The following ADGRA2 variants were observed in gnomAD, a reference collection of about 807,000 sequenced individuals.
ADGRA2 encodes adhesion G protein-coupled receptor A2, also known as G-protein coupled receptor 124.
In ADGRA2, 61 loss-of-function variants were observed where a neutral mutation model predicts 98.7. That is an observed-to-expected ratio of 0.62 (90% CI 0.50 to 0.76). The LOEUF (loss-of-function observed/expected upper bound fraction) is 0.76, where lower values mean the gene tolerates loss of function less well. Among genes scored for constraint, ADGRA2 ranks in the 30% least tolerant of loss-of-function variants. The probability of loss-of-function intolerance (pLI) is 0.00; values close to 1 mark genes in which losing one functional copy is unlikely to be tolerated. For missense variants in ADGRA2, 1,712 were observed against 1,860.0 expected (o/e 0.92, Z 1.46); for synonymous variants, 858 against 831.5 (o/e 1.03, Z -0.55).
chr8:37,840,613 C>T, intron 17 of ADGRA2, 147 bp from the exon 18 acceptor site: 1 of 656,996 alleles, frequency 1.5e-6, no homozygotes, highest in South Asian at 1.8e-5. Context: ...GTAGTCCCTG[C>T]AGGGACCTTG....
rs765944866 is a variant in ADGRA2, at chr8:37,833,024, T to C, written c.1112T>C (p.Leu371Pro). 1 of 1,612,904 alleles carries C rather than the reference T, an allele frequency of 6.2e-7. No homozygotes were observed. The highest frequency in any genetic ancestry group is 8.5e-7 in the Non-Finnish European group (1 of 1,179,728). The change falls in exon 9 of 19, where the codon CTG (leucine) becomes CCG (proline). Residue 371 changes from leucine (L) to proline (P), a missense_variant. Leu to Pro is a moderately conservative substitution (Grantham distance 98). Coordinates refer to ENST00000412232, the MANE Select transcript of ADGRA2 (RefSeq NM_032777.10). Reference protein sequence around the residue: ...NRGDFRWPRTLAGITAYQSCL... With the variant: ...NRGDFRWPRTPAGITAYQSCL... ...TCTCCCCCCAGGTGGCCCCGAACTC[T>C]GGCTGGCATCACAGCCTACCAGTCC... is the stretch of plus-strand genomic sequence containing the variant.
intron 13 of ADGRA2, among the ~76,000 whole-genome samples, chr8:37,836,493 C>G (rs1294390679): frequency 1.3e-5 from 2 of 152,174 alleles, no homozygotes; most frequent in African/African-American, 2.4e-5. Context: ...ACCTGGGGGC[C>G]TGGCACCCAG....
Position 37,835,548 on chromosome 8 carries a change from C to A in ADGRA2, c.1834-6C>A, listed in dbSNP as rs1264888207. 5.0e-6 allele frequency: 8 copies of A among 1,598,512 alleles called. No individual in the cohort carries two copies. The highest frequency in any genetic ancestry group is 6.0e-6 in the Non-Finnish European group (7 of 1,165,950). On this transcript the variant is annotated splice_polypyrimidine_tract_variant and splice_region_variant and intron_variant, in intron 12 of 18. Coordinates refer to ENST00000412232, the MANE Select transcript of ADGRA2 (RefSeq NM_032777.10). ...GTGTCTCTGAGGAGCTCCTATGTCCCCCCAGAACAGCGTGGCCCTGGCCTC... is the reference window on the plus strand; with the variant it reads ...GTGTCTCTGAGGAGCTCCTATGTCCACCCAGAACAGCGTGGCCCTGGCCTC...
Position 37,836,856 on chromosome 8 carries a change from ATCCTGTTCCTAGCACAGAC to A in ADGRA2, c.2051-872_2051-854del, listed in dbSNP as rs371233533. ...GCACTGCCACCCCACCGTGGGTTCCATCCTGTTCCTAGCACAGACTCTTGCTGTCAGGTCTTGCATTCTG... is the reference window on the plus strand; with the variant it reads ...GCACTGCCACCCCACCGTGGGTTCCATCTTGCTGTCAGGTCTTGCATTCTG... On this transcript the variant is annotated intron_variant, in intron 13 of 18. Transcript: ENST00000412232. 9.9e-3 allele frequency among the ~76,000 whole-genome samples: 1,500 copies of A among 152,232 alleles called. 14 individuals are homozygous for A. The highest frequency in any genetic ancestry group is 0.034 in the African/African-American group (1,395 of 41,530).
rs922576443 is a variant in ADGRA2, at chr8:37,802,016, C to T, written c.266+4482C>T. ...CATTCAGGGAAGCGGGGGTGCCCAC[C>T]ACGCAGGCTGCCCACCTAGGGGAGA... On this transcript the variant is annotated intron_variant, in intron 1 of 18. Coordinates refer to ENST00000412232, the MANE Select transcript of ADGRA2 (RefSeq NM_032777.10). The surrounding 1 kb of genome is among the most constrained non-coding windows in gnomAD (Gnocchi z 4.7). 2.0e-5 allele frequency among the ~76,000 whole-genome samples: 3 copies of T among 152,244 alleles called. No individual in the cohort carries two copies. The highest frequency in any genetic ancestry group is 4.4e-5 in the Non-Finnish European group (3 of 68,048).
intron 2 of ADGRA2, among the ~76,000 whole-genome samples, chr8:37,823,924 AAG>A (rs1439755839): frequency 6.6e-6 from 1 of 152,084 alleles, no homozygotes; most frequent in Non-Finnish European, 1.5e-5. Context: ...ATTGAGTTGT[AAG>A]AGTCCTGTAT....
rs1470823620 is a variant in ADGRA2 at position 37,797,088 on chromosome 8, C to T, written c.-181C>T. 1.8e-5 allele frequency: 5 copies of T among 275,218 alleles called. No individual in the cohort carries two copies. In the East Asian group the frequency reaches 4.5e-4, roughly 25 times the overall value. 17.0% of individuals were successfully genotyped at this position (275,218 alleles called of 1,614,324 possible). On this transcript the variant is annotated 5_prime_UTR_variant, in exon 1 of 19. Coordinates refer to ENST00000412232, the MANE Select transcript of ADGRA2 (RefSeq NM_032777.10). The surrounding 1 kb of genome is among the most constrained non-coding windows in gnomAD (Gnocchi z 5.3). The stretch of plus-strand genomic sequence containing the variant: ...CCGACGTCCTCCCCGCCGGGGCGCT[C>T]GCAGGACATGCCCCCGGGGCGCGGC...
At chr8:37,829,591 AC>A in intron 5 of ADGRA2, 32 bp downstream of exon 5, 1 of 1,481,802 alleles carries the variant, frequency 6.7e-7, no homozygotes, top group African/African-American at 1.4e-5. Context: ...AAGGACCCAG[AC>A]CCCTGTCCCT....
rs1489627475 is a variant in ADGRA2 at position 37,834,425 on chromosome 8, CA to C, written c.1608+298del. Among the ~76,000 whole-genome samples the C allele has an allele frequency of 6.6e-6, 1 of 152,174 alleles. No homozygotes were observed. Among genetic ancestry groups the C allele is most frequent in the African/African-American group, 2.4e-5 (1 of 41,430 alleles). The stretch of plus-strand genomic sequence containing the variant: ...ATGGGAGGAAGGCTTGGTGGCAGGG[CA>C]GACAGCACTCGGGATTGAGTGAAGA... On this transcript the variant is annotated intron_variant, in intron 11 of 18. Transcript: ENST00000412232. The surrounding 1 kb of genome is among the most constrained non-coding windows in gnomAD (Gnocchi z 4.2).
chr8:37,804,128 C>CACACAT (rs1554522468), intron 1 of ADGRA2, among the ~76,000 whole-genome samples: 65 of 149,264 alleles, frequency 4.4e-4, no homozygotes, highest in Admixed American at 2.4e-3. Flanking sequence ...CACACACACA[C>CACACAT]ACACACACAC....
chr8:37,830,146 C>T lies in ADGRA2; in HGVS notation c.718+132C>T. 1.8e-6 allele frequency: 1 copy of T among 566,014 alleles called. No individual in the cohort carries two copies. Among genetic ancestry groups the T allele is most frequent in the Non-Finnish European group, 3.1e-6 (1 of 325,312 alleles). 35.1% of individuals were successfully genotyped at this position (566,014 alleles called of 1,614,324 possible). A position where few individuals can be genotyped will look rare whatever the true frequency, so the allele number is the denominator to read the frequency against. On this transcript the variant is annotated intron_variant, in intron 6 of 18. Transcript: ENST00000412232. The surrounding 1 kb of genome is among the most constrained non-coding windows in gnomAD (Gnocchi z 4.8). ...TTGCAATTTGCAAAAGACCACGACA[C>T]TGAGTCCTGCTCTTGCATTTAGGGA...
In ADGRA2 at chr8:37,842,014, C is replaced by T. The variant is rs1330936686; in HGVS notation, c.3676C>T (p.Pro1226Ser). The change falls in exon 19 of 19, where the codon CCC (proline) becomes TCC (serine). Residue 1226 changes from proline (P) to serine (S), a missense_variant. Transcript: ENST00000412232. ...SSESGSLHNS[P>S]TDSYLGSSRN... is the part of the protein sequence containing the mutation. ...CGAGAGCGGCAGTCTGCACAACAGCCCCACCGACAGCTACCTGGGCAGCAG... is the reference window on the plus strand; with the variant it reads ...CGAGAGCGGCAGTCTGCACAACAGCTCCACCGACAGCTACCTGGGCAGCAG... The T allele has an allele frequency of 6.6e-7, 1 of 1,519,684 alleles. No homozygotes were observed. The highest frequency in any genetic ancestry group is 1.2e-5 in the South Asian group (1 of 82,256). The allele number at this position is 1,519,684 out of a possible 1,614,324, so 94.1% of individuals were successfully genotyped here.
intron 15 of ADGRA2, 168 bp downstream of exon 15, chr8:37,839,251 AC>A: frequency 1.8e-6 from 1 of 551,924 alleles, no homozygotes; most frequent in Non-Finnish European, 2.3e-6. Context: ...TGCAGGGTGG[AC>A]TCACTGAGGA....
At position 37,844,305 on chromosome 8, in the gene ADGRA2, T is replaced by A; in HGVS notation, c.*1950T>A. The A allele has an allele frequency of 2.9e-6, 2 of 680,224 alleles. No homozygotes were observed. The highest frequency in any genetic ancestry group is 5.0e-6 in the Non-Finnish European group (2 of 398,788). 42.1% of individuals were successfully genotyped at this position (680,224 alleles called of 1,614,324 possible). A position where few individuals can be genotyped will look rare whatever the true frequency, so the allele number is the denominator to read the frequency against. On this transcript the variant is annotated 3_prime_UTR_variant, in exon 19 of 19. Transcript: ENST00000412232. ...CCAAGGGATGGGAATCTCTCCTACCTATAGTCATCCCTGCACTCCTGACTT... is the reference window on the plus strand; with the variant it reads ...CCAAGGGATGGGAATCTCTCCTACCAATAGTCATCCCTGCACTCCTGACTT...
intron 2 of ADGRA2, among the ~76,000 whole-genome samples, chr8:37,826,516 T>A (rs1805287058): frequency 1.3e-5 from 2 of 152,174 alleles, no homozygotes; most frequent in African/African-American, 4.8e-5. Flanking sequence ...TGGCCCCTTC[T>A]GGTGGCCCCT....
At position 37,835,418 on chromosome 8, in the gene ADGRA2, GA is replaced by G; in HGVS notation, c.1833+21del. 4 of 1,593,308 alleles carry G rather than the reference GA, an allele frequency of 2.5e-6. No individual in the cohort carries two copies. Among genetic ancestry groups the G allele is most frequent in the Non-Finnish European group, 3.4e-6 (4 of 1,167,080 alleles). On this transcript the variant is annotated intron_variant, in intron 12 of 18. Coordinates refer to ENST00000412232, the MANE Select transcript of ADGRA2 (RefSeq NM_032777.10). ...ATCAAGGTGGGCGCTGGGGGAGGGA[GA>G]GGGGGTGGGAGAAGGGAGGCACTCA...
In ADGRA2 at chr8:37,835,892, T is replaced by C. The variant is rs968768127; in HGVS notation, c.2050+122T>C. The C allele has an allele frequency of 6.0e-6, 4 of 664,756 alleles. No individual in the cohort carries two copies. The Admixed American group carries it at 7.1e-5, about 12-fold the overall frequency. The allele number at this position is 664,756 out of a possible 1,614,324, so 41.2% of individuals were successfully genotyped here. ...GCCGTAGTGGAACTGACACAGGATGTTGGGTCTCTCACCTTTTCCCAACAG... is the reference window on the plus strand; with the variant it reads ...GCCGTAGTGGAACTGACACAGGATGCTGGGTCTCTCACCTTTTCCCAACAG... On this transcript the variant is annotated intron_variant, in intron 13 of 18. Transcript: ENST00000412232.
intron 15 of ADGRA2, 49 bp downstream of exon 15, chr8:37,839,132 G>C: frequency 6.2e-7 from 1 of 1,607,314 alleles, no homozygotes; most frequent in East Asian, 2.2e-5. Flanking sequence ...CATGGAAGGG[G>C]CCCCTACCCT....
At chr8:37,808,013 T>C (rs111415389) in intron 1 of ADGRA2, among the ~76,000 whole-genome samples, 6 of 152,262 alleles carry the variant, frequency 3.9e-5, no homozygotes, top group African/African-American at 1.4e-4. Flanking sequence ...CCACAGAGCC[T>C]CTCTGTAGAC....
Sources: allele counts gnomAD v4.1 joint callset (sites outside exome capture counted in the v4.1 genomes callset), GRCh38; gene constraint gnomAD v4.1.1; non-coding constraint Gnocchi (gnomAD v3.1); transcripts MANE v1.5; gene names NCBI Gene and HGNC (gene_info 2026-07-23, HGNC 2026-07-21).